Variants in IGSF10 observed in about 807,000 individuals in gnomAD.
The protein encoded by IGSF10 is immunoglobulin superfamily member 10.
Under a neutral mutation model 128.2 loss-of-function variants are expected in IGSF10, and 126 were observed. That is an observed-to-expected ratio of 0.98 (90% CI 0.85 to 1.14). The LOEUF is 1.14. Among genes scored for constraint, IGSF10 ranks in the 50% most tolerant of loss-of-function variants. IGSF10 has a pLI of 0.00. For missense variants in IGSF10, 3,295 were observed against 3,149.8 expected, an observed-to-expected ratio of 1.05 and a Z score of -1.10; for synonymous variants, 1,185 against 1,146.2, an observed-to-expected ratio of 1.03 and a Z score of -0.68.
rs1256040791 is a variant in IGSF10, at chr3:151,436,656, C to T, written c.*33G>A. 2.7e-6 allele frequency: 4 copies of T among 1,454,678 alleles called. No homozygotes were observed. Among genetic ancestry groups the T allele is most frequent in the Non-Finnish European group, 3.7e-6 (4 of 1,072,800 alleles). 90.1% of individuals were successfully genotyped at this position (1,454,678 alleles called of 1,614,324 possible). ...TTAAACTTCTTCCAAAAAATAAATTCTGCCCAGATGTTGTTGACTTTATTA... is the reference window on the plus strand; with the variant it reads ...TTAAACTTCTTCCAAAAAATAAATTTTGCCCAGATGTTGTTGACTTTATTA... On this transcript the variant is annotated 3_prime_UTR_variant, in exon 8 of 8. Transcript: ENST00000282466.
At chr3:151,577,864 A>C in the IGSF10 span, among the ~76,000 whole-genome samples, 77 of 152,318 alleles carry the variant, frequency 5.1e-4, no homozygotes, top group Non-Finnish European at 9.8e-4. Flanking sequence ...AAAGCATGGG[A>C]AAACAAGGAG....
the IGSF10 span, among the ~76,000 whole-genome samples, chr3:151,483,726 T>A: frequency 1.3e-5 from 2 of 152,150 alleles, no homozygotes; most frequent in Non-Finnish European, 2.9e-5. Context: ...ACTCCCTCTC[T>A]TAGCCAAGGG....
At chr3:151,496,968 A>C in the IGSF10 span, among the ~76,000 whole-genome samples, 3,539 of 152,228 alleles carry the variant, frequency 0.023, 103 homozygotes, top group East Asian at 0.063. Context: ...TTGGCTGCAT[A>C]AATGTCTTCT....
the IGSF10 span, among the ~76,000 whole-genome samples, chr3:151,546,450 C>A: frequency 6.6e-6 from 1 of 151,982 alleles, no homozygotes; most frequent in Non-Finnish European, 1.5e-5. Context: ...AGGGCTCAAG[C>A]GATCCTCCCA....
At chr3:151,574,333 C>T in the IGSF10 span, among the ~76,000 whole-genome samples, 4 of 152,210 alleles carry the variant, frequency 2.6e-5, no homozygotes, top group African/African-American at 4.8e-5. Context: ...GTTCCATTCT[C>T]CCTGTCACAT....
At chr3:151,504,733 A>T in the IGSF10 span, among the ~76,000 whole-genome samples, 2 of 152,222 alleles carry the variant, frequency 1.3e-5, no homozygotes, top group African/African-American at 2.4e-5. Context: ...TACAGACTGT[A>T]GTCTACTCTT....
intron 7 of IGSF10, among the ~76,000 whole-genome samples, chr3:151,439,770 A>G (rs995311807): frequency 6.6e-6 from 1 of 152,234 alleles, no homozygotes; most frequent in Non-Finnish European, 1.5e-5. Flanking sequence ...CAGTGGCTGC[A>G]CAGCCTATCA....
rs140592660 is a variant in IGSF10, at chr3:151,456,696, G to C, written c.324+330C>G. On this transcript the variant is annotated intron_variant, in intron 4 of 7. Coordinates refer to ENST00000282466, the MANE Select transcript of IGSF10 (RefSeq NM_178822.5). ...ATAAAACTATTATCTGTCTAAGATA[G>C]TCATTACTTTTAGGAACCACATTCA... 1.4e-4 allele frequency among the ~76,000 whole-genome samples: 21 copies of C among 152,300 alleles called. 1 individual carries two copies. In the East Asian group the frequency reaches 4.1e-3, roughly 29 times the overall value.
the IGSF10 span, among the ~76,000 whole-genome samples, chr3:151,592,435 C>T: frequency 6.6e-6 from 1 of 152,026 alleles, no homozygotes; most frequent in Non-Finnish European, 1.5e-5. Flanking sequence ...GCAGCATGTG[C>T]ATCAGGTTTG....
chr3:151,599,437 A>G, the IGSF10 span, among the ~76,000 whole-genome samples: 12 of 152,294 alleles, frequency 7.9e-5, no homozygotes, highest in South Asian at 2.5e-3. Flanking sequence ...GAGCTTAGCA[A>G]TATCTTTGAG....
chr3:151,556,234 A>C, the IGSF10 span, among the ~76,000 whole-genome samples: 1 of 152,198 alleles, frequency 6.6e-6, no homozygotes, highest in African/African-American at 2.4e-5. Context: ...CAGGAAAATT[A>C]CAAAAAAATA....
chr3:151,513,575 C>T, the IGSF10 span, among the ~76,000 whole-genome samples: 1 of 152,164 alleles, frequency 6.6e-6, no homozygotes, highest in Non-Finnish European at 1.5e-5. Context: ...CAGGGATGCC[C>T]TCTCTCACCA....
At chr3:151,540,367 T>C in the IGSF10 span, among the ~76,000 whole-genome samples, 2 of 152,240 alleles carry the variant, frequency 1.3e-5, no homozygotes, top group Non-Finnish European at 2.9e-5. Flanking sequence ...TGCATTGTAC[T>C]TTTTATGAAT....
chr3:151,570,339 AC>A, the IGSF10 span, among the ~76,000 whole-genome samples: 1 of 152,202 alleles, frequency 6.6e-6, no homozygotes, highest in African/African-American at 2.4e-5. Flanking sequence ...GAACTAGTTT[AC>A]AGTCCCACCA....
At chr3:151,439,706 A>C (rs1032631435) in intron 7 of IGSF10, among the ~76,000 whole-genome samples, 1 of 152,236 alleles carries the variant, frequency 6.6e-6, no homozygotes, top group Non-Finnish European at 1.5e-5. Flanking sequence ...CTGTACAGTG[A>C]CTAGTTTTTG....
chr3:151,476,885 C>T, the IGSF10 span, among the ~76,000 whole-genome samples: 2 of 152,180 alleles, frequency 1.3e-5, no homozygotes, highest in East Asian at 1.9e-4. Context: ...TATAATTAAC[C>T]ACCCTAGGAG....
At chr3:151,561,585 G>A in the IGSF10 span, among the ~76,000 whole-genome samples, 391 of 152,218 alleles carry the variant, frequency 2.6e-3, 1 homozygote, top group Non-Finnish European at 3.0e-3. Context: ...GTATATCTAT[G>A]TAATGAAATA....
chr3:151,435,688 C>G (rs1427527009), downstream of IGSF10: 1 of 152,044 alleles, frequency 6.6e-6, no homozygotes, highest in Non-Finnish European at 1.5e-5. Flanking sequence ...AACCCCACCC[C>G]TAGATTTAGA....
At chr3:151,574,293 A>T in the IGSF10 span, among the ~76,000 whole-genome samples, 8 of 152,166 alleles carry the variant, frequency 5.3e-5, no homozygotes, top group Non-Finnish European at 1.0e-4. Flanking sequence ...GTTCTCCTGG[A>T]TAACATCCTG....
Sources: allele counts gnomAD v4.1 joint callset (sites outside exome capture counted in the v4.1 genomes callset), GRCh38; gene constraint gnomAD v4.1.1; transcripts MANE v1.5; gene names NCBI Gene and HGNC (gene_info 2026-07-23, HGNC 2026-07-21).